The following ANKS1B variants were observed in gnomAD, a reference collection of about 807,000 sequenced individuals.
The protein encoded by ANKS1B is ankyrin repeat and sterile alpha motif domain-containing protein 1B.
ANKS1B carries 36 observed loss-of-function variants against 148.3 expected under a neutral mutation model. The ratio of observed to expected loss-of-function variants is 0.24; its 90% confidence interval spans 0.19 to 0.32. The LOEUF (loss-of-function observed/expected upper bound fraction) is 0.32, where lower values mean the gene tolerates loss of function less well. Among genes scored for constraint, ANKS1B ranks in the 10% least tolerant of loss-of-function variants. ANKS1B has a pLI of 1.00. For missense variants in ANKS1B, 1,157 were observed against 1,542.6 expected, an observed-to-expected ratio of 0.75 and a Z score of 4.19; for synonymous variants, 542 against 560.8, an observed-to-expected ratio of 0.97 and a Z score of 0.47.
chr12:99,853,490 C>T (rs1393742720), intron 1 of ANKS1B, among the ~76,000 whole-genome samples: 2 of 152,142 alleles, frequency 1.3e-5, no homozygotes, highest in African/African-American at 2.4e-5. Context: ...AAATAACCCT[C>T]ACTGCAGTTT....
chr12:99,318,977 G>A (rs553736084), intron 12 of ANKS1B, among the ~76,000 whole-genome samples: 78 of 152,122 alleles, frequency 5.1e-4, no homozygotes, highest in Non-Finnish European at 7.8e-4. Context: ...GTAGTTGAGC[G>A]GTTTTGAGTG....
Position 99,401,663 on chromosome 12 carries a change from A to G in ANKS1B, c.1576-1852T>C, listed in dbSNP as rs531110082. 1.4e-5 allele frequency among the ~76,000 whole-genome samples: 2 copies of G among 146,932 alleles called. 1 individual carries two copies. The highest frequency in any genetic ancestry group is 3.0e-5 in the Non-Finnish European group (2 of 66,330). On this transcript the variant is annotated intron_variant, in intron 11 of 26. Coordinates refer to ENST00000683438, the MANE Select transcript of ANKS1B (RefSeq NM_001352186.2). ...AGATATCATGCACGTAAGCACTGTGATAGGAATAAAACAAGACACTGTCCC... is the reference window on the plus strand; with the variant it reads ...AGATATCATGCACGTAAGCACTGTGGTAGGAATAAAACAAGACACTGTCCC...
intron 1 of ANKS1B, among the ~76,000 whole-genome samples, chr12:99,954,771 T>C (rs1022031391): frequency 6.6e-6 from 1 of 152,036 alleles, no homozygotes; most frequent in Non-Finnish European, 1.5e-5. Context: ...GATGCTGCAA[T>C]CCTACAATGC....
At chr12:99,284,619 G>A (rs2078884494) in intron 12 of ANKS1B, among the ~76,000 whole-genome samples, 1 of 152,078 alleles carries the variant, frequency 6.6e-6, no homozygotes, top group Non-Finnish European at 1.5e-5. Context: ...AATGACAAAA[G>A]CTTTTCAACC....
chr12:99,952,015 T>G (rs969880830), intron 1 of ANKS1B, among the ~76,000 whole-genome samples: 10 of 152,200 alleles, frequency 6.6e-5, no homozygotes, highest in Non-Finnish European at 1.5e-4. Flanking sequence ...CAATAATGGA[T>G]GCACTTTAAA....
chr12:99,670,748 C>T (rs1314497624), intron 8 of ANKS1B, among the ~76,000 whole-genome samples: 1 of 151,978 alleles, frequency 6.6e-6, no homozygotes, highest in East Asian at 1.9e-4. Flanking sequence ...AGAGTGTTTG[C>T]ATTTGAGCAA....
At chr12:99,152,247 A>G (rs995659004) in intron 15 of ANKS1B, among the ~76,000 whole-genome samples, 3 of 152,168 alleles carry the variant, frequency 2.0e-5, no homozygotes, top group Non-Finnish European at 2.9e-5. Context: ...ATACCACTTC[A>G]TGATTTGCTT....
At chr12:99,636,274 G>T (rs1376547714) in intron 9 of ANKS1B, among the ~76,000 whole-genome samples, 1 of 152,044 alleles carries the variant, frequency 6.6e-6, no homozygotes, top group Non-Finnish European at 1.5e-5. Context: ...CTAAATCATT[G>T]CTCCTAAGAG....
Position 99,262,224 on chromosome 12 carries a change from C to T in ANKS1B, c.1757-15360G>A, listed in dbSNP as rs1001902214. On this transcript the variant is annotated intron_variant, in intron 12 of 26. Transcript: ENST00000683438. ...CCTTCCCTGCTTTATAGTTTCTCCA[C>T]GACACCTATAAATATAAAAAAATAT... 8.9e-4 allele frequency among the ~76,000 whole-genome samples: 135 copies of T among 152,100 alleles called. 1 individual carries two copies. Among genetic ancestry groups the T allele is most frequent in the East Asian group, 9.7e-4 (5 of 5,170 alleles).
chr12:99,798,372 A>G (rs2066497912), intron 4 of ANKS1B, among the ~76,000 whole-genome samples: 1 of 151,294 alleles, frequency 6.6e-6, no homozygotes, highest in Non-Finnish European at 1.5e-5. Context: ...TCAGAAATAA[A>G]ATTCCCTAGT....
chr12:99,183,892 A>G (rs1456897589), intron 14 of ANKS1B, among the ~76,000 whole-genome samples: 2 of 152,222 alleles, frequency 1.3e-5, no homozygotes, highest in South Asian at 2.1e-4. Context: ...ACATTTTGGG[A>G]AACTCATGTC....
chr12:99,956,876 G>A (rs1212249662), intron 1 of ANKS1B, among the ~76,000 whole-genome samples: 1 of 152,164 alleles, frequency 6.6e-6, no homozygotes, highest in African/African-American at 2.4e-5. Context: ...GCATCCACCT[G>A]GTTAGACTGA....
intron 11 of ANKS1B, among the ~76,000 whole-genome samples, chr12:99,415,574 C>G (rs891024413): frequency 6.6e-6 from 1 of 152,152 alleles, no homozygotes; most frequent in African/African-American, 2.4e-5. Flanking sequence ...ATAGAGTGCA[C>G]TCATGTTTCT....
intron 15 of ANKS1B, among the ~76,000 whole-genome samples, chr12:99,100,667 T>A (rs531873048): frequency 4.8e-4 from 73 of 152,314 alleles, no homozygotes; most frequent in Non-Finnish European, 9.0e-4. Flanking sequence ...ATAGCTGGGA[T>A]TACAGGCACA....
At chr12:99,894,386 G>A (rs958782991) in intron 1 of ANKS1B, among the ~76,000 whole-genome samples, 3 of 151,282 alleles carry the variant, frequency 2.0e-5, no homozygotes, top group Admixed American at 6.6e-5. Context: ...GTGCACGCCT[G>A]TAGTCCCAGC....
At chr12:99,637,234 C>G (rs2098247013) in intron 9 of ANKS1B, among the ~76,000 whole-genome samples, 1 of 152,172 alleles carries the variant, frequency 6.6e-6, no homozygotes, top group African/African-American at 2.4e-5. Flanking sequence ...ATCACTTTAA[C>G]CTGGGAGGCG....
intron 15 of ANKS1B, among the ~76,000 whole-genome samples, chr12:99,120,263 C>G (rs1447835449): frequency 1.3e-5 from 2 of 152,176 alleles, no homozygotes; most frequent in East Asian, 3.9e-4. Context: ...AAGCAAACTC[C>G]ACGCAGACAG....
chr12:99,265,531 C>T (rs1367683823), intron 12 of ANKS1B, among the ~76,000 whole-genome samples: 2 of 152,168 alleles, frequency 1.3e-5, no homozygotes, highest in African/African-American at 2.4e-5. Flanking sequence ...AACCACTGCT[C>T]TACTGATCAC....
intron 24 of ANKS1B, among the ~76,000 whole-genome samples, chr12:98,779,406 C>G (rs1460145872): frequency 6.6e-6 from 1 of 152,102 alleles, no homozygotes; most frequent in Non-Finnish European, 1.5e-5. Flanking sequence ...AGCCATACCC[C>G]CAAAATCATG....
Sources: allele counts gnomAD v4.1 joint callset (sites outside exome capture counted in the v4.1 genomes callset), GRCh38; gene constraint gnomAD v4.1.1; transcripts MANE v1.5; gene names NCBI Gene and HGNC (gene_info 2026-07-23, HGNC 2026-07-21).